RAD51D: variants seen among roughly 807,000 people sequenced by gnomAD.
RAD51D encodes RAD51 paralog D, also known as DNA repair protein RAD51 homolog 4.
Under a neutral mutation model 44.1 loss-of-function variants are expected in RAD51D, and 38 were observed. The observed-to-expected ratio is 0.86, with a 90% confidence interval of 0.67 to 1.13. RAD51D has a LOEUF of 1.13. Ranked by LOEUF, RAD51D falls within the 50% of genes most tolerant of loss-of-function variation. RAD51D has a pLI of 0.00. For synonymous variants in RAD51D, 141 were observed against 166.6 expected, an observed-to-expected ratio of 0.85 and a Z score of 1.18; for missense variants, 390 against 414.0, an observed-to-expected ratio of 0.94 and a Z score of 0.50.
intron 3 of RAD51D, among the ~76,000 whole-genome samples, chr17:35,110,679 A>T (rs1246293179): frequency 6.6e-6 from 1 of 152,160 alleles, no homozygotes. Flanking sequence ...CCTCCAACAC[A>T]TTGTTTCTGT....
In RAD51D at chr17:35,119,767, A is replaced by C; in HGVS notation, c.-154T>G. On this transcript the variant is annotated 5_prime_UTR_variant, in exon 1 of 10. Coordinates refer to ENST00000345365, the MANE Select transcript of RAD51D (RefSeq NM_002878.4). ...AAAGGAGAGAGGAGGAGGCGGCACC[A>C]AGGGTAGGGCTGGGGGTCATCCGCC... 1 of 780,632 alleles carries C rather than the reference A, an allele frequency of 1.3e-6. No individual in the cohort carries two copies. Among genetic ancestry groups the C allele is most frequent in the Non-Finnish European group, 2.2e-6 (1 of 458,758 alleles). The allele number at this position is 780,632 out of a possible 1,614,324, so 48.4% of individuals were successfully genotyped here.
chr17:35,116,945 C>T (rs1597874687), intron 3 of RAD51D: 1 of 1,613,554 alleles, frequency 6.2e-7, no homozygotes, highest in South Asian at 1.1e-5. Context: ...CTGCCTTCTT[C>T]AGAGCATTCC....
rs756616712 is a variant in RAD51D, at chr17:35,101,002, G to A, written c.938C>T (p.Thr313Ile). The change falls in exon 10 of 10, where the codon ACC becomes ATC. Residue 313 changes from threonine (T) to isoleucine (I), a missense_variant. Physicochemically the swap from Thr to Ile is moderately conservative, Grantham distance 89. Transcript: ENST00000345365. ...GGCACTCTGCTCTGAGGTCCCCCAG[G>A]TCCCAATGTCTACCATCTCCTGGAA... ...TGFQEMVDIGTWGTSEQSATL... is the reference protein window; with the variant it reads ...TGFQEMVDIGIWGTSEQSATL... 6.2e-7 allele frequency: 1 copy of A among 1,613,898 alleles called. No individual in the cohort carries two copies. Among genetic ancestry groups the A allele is most frequent in the Non-Finnish European group, 8.5e-7 (1 of 1,179,788 alleles).
chr17:35,106,829 T>C (rs2091610155), intron 5 of RAD51D, among the ~76,000 whole-genome samples, 159 bp downstream of exon 5: 1 of 152,160 alleles, frequency 6.6e-6, no homozygotes, highest in Non-Finnish European at 1.5e-5. Flanking sequence ...AATGGGATGA[T>C]GGCATCAACA....
At chr17:35,119,241 T>G in intron 1 of RAD51D, 69 bp from the exon 2 acceptor site, 1 of 1,397,992 alleles carries the variant, frequency 7.2e-7, no homozygotes, top group Non-Finnish European at 1.0e-6. Context: ...TTTTTCCTCA[T>G]CTGTCAAATG....
intron 3 of RAD51D, 35 bp downstream of exon 3, chr17:35,118,466 G>A (rs2142473130): frequency 6.4e-7 from 1 of 1,568,310 alleles, no homozygotes; most frequent in Non-Finnish European, 8.8e-7. Flanking sequence ...CCATCCTCCT[G>A]CCTCTCTCCT....
chr17:35,118,412 T>A (rs79372946), intron 3 of RAD51D, 89 bp downstream of exon 3: 3 of 1,118,642 alleles, frequency 2.7e-6, no homozygotes, highest in East Asian at 2.4e-5. Context: ...AAAAAACCCC[T>A]CCCGTCTAGA....
At position 35,096,995 on chromosome 17, in the gene RAD51D, C is replaced by T. The variant is rs1245610332; in HGVS notation, c.*3958G>A. 1 of 152,186 alleles carries T rather than the reference C, an allele frequency of 6.6e-6. No homozygotes were observed. Among genetic ancestry groups the T allele is most frequent in the Admixed American group, 6.5e-5 (1 of 15,274 alleles). The allele number at this position is 152,186 out of a possible 1,614,324, so 9.4% of individuals were successfully genotyped here. ...ATGCCTGATTTTTAATTAAGGCCATCAAGTGCTAGCACATAGTAGGATCTC... is the reference window on the plus strand; with the variant it reads ...ATGCCTGATTTTTAATTAAGGCCATTAAGTGCTAGCACATAGTAGGATCTC... On this transcript the variant is annotated 3_prime_UTR_variant, in exon 10 of 10. Coordinates refer to ENST00000345365, the MANE Select transcript of RAD51D (RefSeq NM_002878.4).
chr17:35,103,646 C>A lies in RAD51D; in HGVS notation c.577-102G>T. On this transcript the variant is annotated intron_variant, in intron 6 of 9. Coordinates refer to ENST00000345365, the MANE Select transcript of RAD51D (RefSeq NM_002878.4). The surrounding 1 kb of genome is among the most constrained non-coding windows in gnomAD (Gnocchi z 4.1). ...CTAAAACTAGTAAGAAATAGCCCCCCCATCCCAAATACAGCAAGCTGCACG... is the reference window on the plus strand; with the variant it reads ...CTAAAACTAGTAAGAAATAGCCCCCACATCCCAAATACAGCAAGCTGCACG... 1 of 854,798 alleles carries A rather than the reference C, an allele frequency of 1.2e-6. No individual in the cohort carries two copies. The allele number at this position is 854,798 out of a possible 1,614,324, so 53.0% of individuals were successfully genotyped here.
chr17:35,103,124 T>C lies in RAD51D; in HGVS notation c.738+130A>G. ...GCTATTTATGGTGCAAAGCTGTAGC[T>C]GACCCAGGGAAGCTGGGATATGTCC... On this transcript the variant is annotated intron_variant, in intron 8 of 9. Transcript: ENST00000345365. The surrounding 1 kb of genome is among the most constrained non-coding windows in gnomAD (Gnocchi z 4.1). 2.4e-6 allele frequency: 2 copies of C among 820,592 alleles called. No individual in the cohort carries two copies. The highest frequency in any genetic ancestry group is 2.7e-5 in the East Asian group (1 of 37,644). The allele number at this position is 820,592 out of a possible 1,614,324, so 50.8% of individuals were successfully genotyped here.
At chr17:35,106,567 G>A (rs1251475073) in intron 5 of RAD51D, 86 bp from the exon 6 acceptor site, 1 of 974,258 alleles carries the variant, frequency 1.0e-6, no homozygotes, top group Non-Finnish European at 1.6e-6. Context: ...GAGGCACCTG[G>A]ATGCAAGGAC....
intron 3 of RAD51D, among the ~76,000 whole-genome samples, chr17:35,115,750 G>A (rs1226981125): frequency 6.6e-6 from 1 of 151,798 alleles, no homozygotes; most frequent in Non-Finnish European, 1.5e-5. Context: ...CGCACCTGTA[G>A]TCCCAGCTAC....
At position 35,101,312 on chromosome 17, in the gene RAD51D, G is replaced by A. The variant is rs536544621; in HGVS notation, c.792C>T (p.Leu264=). The change falls in exon 9 of 10, where the codon CTC becomes CTT. Residue 264 remains leucine, a synonymous_variant. Transcript: ENST00000345365. ...DRDSGRLKPA[L]GRSWSFVPST... is the part of the protein sequence containing the mutation. ...TGGGCACAAAGCTCCAGGAGCGTCC[G>A]AGGGCAGGTTTGAGCCTCCCGCTGT... 13 of 1,614,130 alleles carry A rather than the reference G, an allele frequency of 8.1e-6. No individual in the cohort carries two copies. Among genetic ancestry groups the A allele is most frequent in the South Asian group, 5.5e-5 (5 of 91,082 alleles).
At position 35,103,410 on chromosome 17, in the gene RAD51D, C is replaced by T. The variant is rs117994948; in HGVS notation, c.667+44G>A. The T allele has an allele frequency of 7.5e-6, 12 of 1,609,268 alleles. No individual in the cohort carries two copies. Among genetic ancestry groups the T allele is most frequent in the Middle Eastern group, 3.3e-4 (2 of 6,050 alleles). On this transcript the variant is annotated intron_variant, in intron 7 of 9. Coordinates refer to ENST00000345365, the MANE Select transcript of RAD51D (RefSeq NM_002878.4). The surrounding 1 kb of genome is among the most constrained non-coding windows in gnomAD (Gnocchi z 4.1). Reference sequence around the variant, plus strand: ...GAGACCAGACTCCAGAGCTGGGAGGCGAGGTCACATTCCACTGGCCCCAGG... The same window carrying T: ...GAGACCAGACTCCAGAGCTGGGAGGTGAGGTCACATTCCACTGGCCCCAGG...
At chr17:35,118,750 T>C in intron 2 of RAD51D, 131 bp from the exon 3 acceptor site, 1 of 778,356 alleles carries the variant, frequency 1.3e-6, no homozygotes, top group East Asian at 2.6e-5. Flanking sequence ...CTTTTGTTAT[T>C]GTTGTTGTTT....
intron 3 of RAD51D, among the ~76,000 whole-genome samples, chr17:35,117,705 G>A (rs2091766707): frequency 6.6e-6 from 1 of 152,174 alleles, no homozygotes; most frequent in Non-Finnish European, 1.5e-5. Flanking sequence ...GGGCGGGCAA[G>A]CAGGCCAGGC....
In RAD51D at chr17:35,100,021, A is replaced by T. The variant is rs1475347059; in HGVS notation, c.*932T>A. On this transcript the variant is annotated 3_prime_UTR_variant, in exon 10 of 10. Coordinates refer to ENST00000345365, the MANE Select transcript of RAD51D (RefSeq NM_002878.4). ...TAAAGGACTAGATTTGCCATGTATT[A>T]TTTACGTCAGCATCAATTTTCCCAG... 1 of 531,180 alleles carries T rather than the reference A, an allele frequency of 1.9e-6. No homozygotes were observed. Among genetic ancestry groups the T allele is most frequent in the Admixed American group, 2.2e-5 (1 of 44,932 alleles). The allele number at this position is 531,180 out of a possible 1,614,324, so 32.9% of individuals were successfully genotyped here.
In RAD51D at chr17:35,100,929, C is replaced by G. The variant is rs770908196; in HGVS notation, c.*24G>C. ...GTTGGGAGGGGTCCCCAATGCTTCC[C>G]TGTTTCCCAAACAACAGCACAGGTC... On this transcript the variant is annotated 3_prime_UTR_variant, in exon 10 of 10. Transcript: ENST00000345365. 5 of 1,599,090 alleles carry G rather than the reference C, an allele frequency of 3.1e-6. No individual in the cohort carries two copies. The East Asian group carries it at 1.1e-4, about 36-fold the overall frequency.
At chr17:35,111,732 C>T (rs1353390549) in intron 3 of RAD51D, among the ~76,000 whole-genome samples, 1 of 152,142 alleles carries the variant, frequency 6.6e-6, no homozygotes, top group Non-Finnish European at 1.5e-5. Context: ...CTCCAGCTAT[C>T]CTTTTTCCAA....
Sources: gnomAD v4.1 joint callset for allele counts (sites outside exome capture counted in the v4.1 genomes callset) on GRCh38, gnomAD v4.1.1 for gene constraint, Gnocchi (gnomAD v3.1) non-coding constraint, MANE v1.5 for transcripts, NCBI Gene and HGNC (gene_info 2026-07-23, HGNC 2026-07-21) for gene names.